PALLD: variants seen among roughly 807,000 people sequenced by gnomAD.
The protein encoded by PALLD is palladin.
PALLD carries 61 observed loss-of-function variants against 123.5 expected under a neutral mutation model. The observed-to-expected ratio is 0.49, with a 90% CI of 0.40 to 0.61. The LOEUF is 0.61. Ranked by LOEUF, PALLD falls within the 20% of genes least tolerant of loss-of-function variation. The pLI is 0.00. For synonymous variants in PALLD, 465 were observed against 496.4 expected (o/e 0.94, Z 0.84); for missense variants, 1,273 against 1,377.0 (o/e 0.92, Z 1.20).
intron 8 of PALLD, among the ~76,000 whole-genome samples, chr4:168,691,861 G>A (rs555364230): frequency 1.3e-5 from 2 of 152,284 alleles, no homozygotes; most frequent in Admixed American, 1.3e-4. Flanking sequence ...ACAGTGCTAT[G>A]TGATCCAGGA....
rs1327023661 is a variant in PALLD at position 168,744,590 on chromosome 4, TAGG to T, written c.1964+32672_1964+32674del. ...ACCTGGTCCAACCCCTCTGTTATTTTAGGAGGACAAGAGGCATTAAGTGATTCA... is the reference window on the plus strand; with the variant it reads ...ACCTGGTCCAACCCCTCTGTTATTTTAGGACAAGAGGCATTAAGTGATTCA... On this transcript the variant is annotated intron_variant, in intron 10 of 21. Transcript: ENST00000505667. 7.2e-5 allele frequency among the ~76,000 whole-genome samples: 11 copies of T among 152,282 alleles called. No individual in the cohort carries two copies. The East Asian group carries it at 1.9e-3, about 27-fold the overall frequency.
intron 8 of PALLD, among the ~76,000 whole-genome samples, chr4:168,701,803 G>A (rs1783699984): frequency 6.6e-6 from 1 of 152,154 alleles, no homozygotes; most frequent in Non-Finnish European, 1.5e-5. Flanking sequence ...GTCCAGGGAC[G>A]TAAGCCCTGG....
At chr4:168,794,469 C>T (rs1388816430) in intron 10 of PALLD, among the ~76,000 whole-genome samples, 2 of 150,820 alleles carry the variant, frequency 1.3e-5, no homozygotes, top group African/African-American at 2.4e-5. Flanking sequence ...CACAGACGTA[C>T]GTGCACACGC....
At chr4:168,867,565 C>G (rs1750473921) in intron 10 of PALLD, among the ~76,000 whole-genome samples, 1 of 152,120 alleles carries the variant, frequency 6.6e-6, no homozygotes, top group Non-Finnish European at 1.5e-5. Flanking sequence ...AGATGTCCCC[C>G]CTCCACCTCA....
chr4:168,891,904 A>G (rs1050288344), intron 11 of PALLD, among the ~76,000 whole-genome samples: 6 of 152,160 alleles, frequency 3.9e-5, no homozygotes, highest in African/African-American at 1.4e-4. Context: ...CTCCCAGACT[A>G]CTACTAGATA....
chr4:168,516,172 C>T (rs1403549250), intron 2 of PALLD, among the ~76,000 whole-genome samples: 7 of 152,124 alleles, frequency 4.6e-5, no homozygotes, highest in Non-Finnish European at 8.8e-5. Flanking sequence ...TAAAAAAGGA[C>T]GTTATATACA....
At chr4:168,523,230 A>AGGAGG (rs199747813) in intron 2 of PALLD, among the ~76,000 whole-genome samples, 1 of 107,462 alleles carries the variant, frequency 9.3e-6, no homozygotes, top group Non-Finnish European at 1.8e-5. Context: ...AGGAGAGGAG[A>AGGAGG]GGAGGGGAGG....
chr4:168,668,250 AG>A lies in PALLD; in HGVS notation c.973del (p.Asp325ThrfsTer5). ...TPDIQIHCEG[G>X]DLHTLIIAEA... ...CTGATATTCAAATCCACTGTGAGGG[AG>A]GGGACCTCCATACCCTGATCATAGC... On this transcript the variant is annotated frameshift_variant, in exon 3 of 22. Coordinates refer to ENST00000505667, the MANE Select transcript of PALLD (RefSeq NM_001166108.2). LOFTEE classifies it high-confidence loss of function. 1.2e-6 allele frequency: 2 copies of A among 1,614,148 alleles called. No homozygotes were observed. Among genetic ancestry groups the A allele is most frequent in the East Asian group, 4.5e-5 (2 of 44,882 alleles).
intron 2 of PALLD, among the ~76,000 whole-genome samples, chr4:168,614,834 C>T (rs1404668973): frequency 3.3e-5 from 5 of 152,162 alleles, no homozygotes; most frequent in Admixed American, 6.5e-5. Flanking sequence ...CAGTCCTGCA[C>T]GGTAAACCAC....
intron 2 of PALLD, among the ~76,000 whole-genome samples, chr4:168,589,601 A>G (rs1771198115): frequency 6.6e-6 from 1 of 152,192 alleles, no homozygotes; most frequent in Admixed American, 6.5e-5. Flanking sequence ...TGAAAGCTCA[A>G]GAAGGGGGAG....
At chr4:168,677,424 C>G (rs1315129623) in intron 3 of PALLD, among the ~76,000 whole-genome samples, 1 of 152,114 alleles carries the variant, frequency 6.6e-6, no homozygotes, top group Non-Finnish European at 1.5e-5. Flanking sequence ...GGGGCCCCAG[C>G]CTTTTTGGCC....
intron 2 of PALLD, among the ~76,000 whole-genome samples, chr4:168,624,811 A>G (rs1775082592): frequency 6.6e-6 from 1 of 152,160 alleles, no homozygotes; most frequent in African/African-American, 2.4e-5. Context: ...CCCCATTTAC[A>G]ATAGTAATAA....
chr4:168,887,268 T>C (rs551308208), intron 10 of PALLD, among the ~76,000 whole-genome samples: 1 of 152,276 alleles, frequency 6.6e-6, no homozygotes, highest in South Asian at 2.1e-4. Flanking sequence ...TCCAGAGCAG[T>C]TGTTCTAAGT....
intron 16 of PALLD, among the ~76,000 whole-genome samples, chr4:168,914,354 A>G (rs1759670293): frequency 6.6e-6 from 1 of 152,264 alleles, no homozygotes; most frequent in Admixed American, 6.5e-5. Flanking sequence ...GTTGGAAACC[A>G]AACTTCTGTA....
At chr4:168,878,473 C>T (rs1581875550) in intron 10 of PALLD, 3 of 1,116,860 alleles carry the variant, frequency 2.7e-6, no homozygotes, top group Non-Finnish European at 3.6e-6. Context: ...TCCATACACG[C>T]GCTCCCATCA....
chr4:168,726,243 A>C lies in PALLD; in HGVS notation c.1964+14320A>C, dbSNP rs146636399. Among the ~76,000 whole-genome samples, 219 of 152,352 alleles carry C rather than the reference A, an allele frequency of 1.4e-3. 1 individual carries two copies. The East Asian group carries it at 0.019, about 13-fold the overall frequency. ...TTTTTTATTTTTACTAAAAACTGTC[A>C]GAAGTTTCTAAAAGGAATTAGATGA... is the stretch of plus-strand genomic sequence containing the variant. On this transcript the variant is annotated intron_variant, in intron 10 of 21. Transcript: ENST00000505667.
chr4:168,913,778 T>A, intron 15 of PALLD, 149 bp from the exon 16 acceptor site: 1 of 652,226 alleles, frequency 1.5e-6, no homozygotes, highest in Non-Finnish European at 2.8e-6. Context: ...AGGGAAAGTG[T>A]TTTTCTGAAA....
chr4:168,517,086 A>G (rs529446795), intron 2 of PALLD, among the ~76,000 whole-genome samples: 201 of 152,336 alleles, frequency 1.3e-3, no homozygotes, highest in Non-Finnish European at 2.0e-3. Flanking sequence ...ACAGGAAAAC[A>G]TGGCAGCAGG....
At chr4:168,718,628 G>A (rs180967715) in intron 10 of PALLD, among the ~76,000 whole-genome samples, 3 of 152,120 alleles carry the variant, frequency 2.0e-5, no homozygotes, top group East Asian at 3.9e-4. Flanking sequence ...TCTGCCTCTC[G>A]GACTCAGTAA....
Sources: allele counts gnomAD v4.1 joint callset (sites outside exome capture counted in the v4.1 genomes callset), GRCh38; gene constraint gnomAD v4.1.1; transcripts MANE v1.5; gene names NCBI Gene and HGNC (gene_info 2026-07-23, HGNC 2026-07-21).